The following BTRC variants were observed in gnomAD, a reference collection of about 807,000 sequenced individuals.
BTRC encodes beta-transducin repeat containing E3 ubiquitin protein ligase, also known as F-box/WD repeat-containing protein 1A.
A neutral mutation model predicts 85.5 loss-of-function variants in BTRC; 42 were observed. The ratio of observed to expected loss-of-function variants is 0.49; its 90% CI spans 0.38 to 0.64. The LOEUF (loss-of-function observed/expected upper bound fraction) is 0.64, where lower values mean the gene tolerates loss of function less well. Ranked by LOEUF, BTRC falls within the 30% of genes least tolerant of loss-of-function variation. BTRC has a pLI of 0.00. For synonymous variants in BTRC, 255 were observed against 263.3 expected, an observed-to-expected ratio of 0.97 and a Z score of 0.30; for missense variants, 594 against 743.5, an observed-to-expected ratio of 0.80 and a Z score of 2.34.
At chr10:101,449,214 AT>A (rs1944900255) in intron 2 of BTRC, among the ~76,000 whole-genome samples, 1 of 152,004 alleles carries the variant, frequency 6.6e-6, no homozygotes, top group African/African-American at 2.4e-5. Context: ...ATATTGTTGA[AT>A]TGTAATAAAA....
chr10:101,404,178 C>T (rs1943563959), intron 1 of BTRC, among the ~76,000 whole-genome samples: 1 of 150,946 alleles, frequency 6.6e-6, no homozygotes, highest in Non-Finnish European at 1.5e-5. Flanking sequence ...CTACAGGTGC[C>T]CGCCATCATG....
At chr10:101,447,034 C>T (rs1478902235) in intron 2 of BTRC, among the ~76,000 whole-genome samples, 2 of 152,048 alleles carry the variant, frequency 1.3e-5, no homozygotes, top group Non-Finnish European at 2.9e-5. Flanking sequence ...TAGAAGCATG[C>T]AGCTAGTGTT....
chr10:101,536,893 T>C (rs955811377), intron 12 of BTRC, among the ~76,000 whole-genome samples: 1 of 152,236 alleles, frequency 6.6e-6, no homozygotes, highest in African/African-American at 2.4e-5. Context: ...ATTTTGGTTA[T>C]TTGGTTATGT....
intron 13 of BTRC, among the ~76,000 whole-genome samples, chr10:101,550,297 T>TC (rs1300940561): frequency 6.6e-6 from 1 of 152,030 alleles, no homozygotes; most frequent in East Asian, 1.9e-4. Flanking sequence ...TATTTTATTT[T>TC]TTTTTTAGAC....
At chr10:101,537,514 C>T (rs761279905) in intron 12 of BTRC, among the ~76,000 whole-genome samples, 9 of 152,028 alleles carry the variant, frequency 5.9e-5, no homozygotes, top group Non-Finnish European at 1.0e-4. Context: ...GGCAACAGAG[C>T]GAGACTCCGT....
At chr10:101,386,471 A>G (rs938664836) in intron 1 of BTRC, among the ~76,000 whole-genome samples, 3 of 152,222 alleles carry the variant, frequency 2.0e-5, no homozygotes, top group Non-Finnish European at 4.4e-5. Context: ...TAATTAGCTC[A>G]TTCAAGAAAG....
rs563613816 is a variant in BTRC at position 101,508,739 on chromosome 10, C to A, written c.325-12900C>A. The stretch of plus-strand genomic sequence containing the variant: ...ACCACCCTGGCTAACACGGTGATAC[C>A]CCGTCTCTACTAAAAATACAAAAAA... On this transcript the variant is annotated intron_variant, in intron 4 of 14. Transcript: ENST00000370187. Among the ~76,000 whole-genome samples the A allele has an allele frequency of 3.9e-5, 6 of 151,904 alleles. No individual in the cohort carries two copies. In the East Asian group the frequency reaches 1.2e-3, roughly 29 times the overall value.
intron 4 of BTRC, among the ~76,000 whole-genome samples, chr10:101,508,177 A>G (rs1946591308): frequency 6.6e-6 from 1 of 152,160 alleles, no homozygotes; most frequent in Admixed American, 6.6e-5. Context: ...GACTTTTCCT[A>G]TAGTTAGTAA....
chr10:101,369,756 G>A (rs1434296429), intron 1 of BTRC, among the ~76,000 whole-genome samples: 1 of 152,176 alleles, frequency 6.6e-6, no homozygotes, highest in Non-Finnish European at 1.5e-5. Flanking sequence ...AGTTCACACT[G>A]ATATCCCCAA....
intron 2 of BTRC, among the ~76,000 whole-genome samples, chr10:101,455,171 C>A (rs1165822960): frequency 6.6e-6 from 1 of 151,682 alleles, no homozygotes; most frequent in African/African-American, 2.4e-5. Flanking sequence ...CCGCCTTAGC[C>A]TCCTGAGTAG....
At chr10:101,449,494 C>G (rs906840832) in intron 2 of BTRC, among the ~76,000 whole-genome samples, 1 of 152,016 alleles carries the variant, frequency 6.6e-6, no homozygotes, top group Non-Finnish European at 1.5e-5. Flanking sequence ...AAACTATATG[C>G]AGAGGATCTC....
chr10:101,474,498 C>T (rs1461143009), intron 3 of BTRC, among the ~76,000 whole-genome samples: 1 of 152,224 alleles, frequency 6.6e-6, no homozygotes, highest in Non-Finnish European at 1.5e-5. Flanking sequence ...CCAGCTGTTG[C>T]TCTCCATTGA....
chr10:101,400,167 T>C (rs1241556876), intron 1 of BTRC, among the ~76,000 whole-genome samples: 1 of 152,236 alleles, frequency 6.6e-6, no homozygotes, highest in Non-Finnish European at 1.5e-5. Flanking sequence ...TCATATATTG[T>C]AGCTGCCAAT....
rs558405414 is a variant in BTRC, at chr10:101,407,876, C to T, written c.49-22469C>T. ...AAGCTGGGACTACAGGTGCGTACCA[C>T]CATGCCCAGCTAATTTTTTGTATTT... On this transcript the variant is annotated intron_variant, in intron 1 of 14. Coordinates refer to ENST00000370187, the MANE Select transcript of BTRC (RefSeq NM_033637.4). Among the ~76,000 whole-genome samples the T allele has an allele frequency of 2.1e-3, 320 of 152,064 alleles. 3 individuals are homozygous for T. Among genetic ancestry groups the T allele is most frequent in the African/African-American group, 7.2e-3 (298 of 41,468 alleles).
intron 4 of BTRC, among the ~76,000 whole-genome samples, chr10:101,493,866 CTTAA>C (rs1946197062): frequency 6.6e-6 from 1 of 152,168 alleles, no homozygotes. Flanking sequence ...AAAACTGTGG[CTTAA>C]TTAATGCCAG....
At chr10:101,368,464 CT>C (rs60190021) in intron 1 of BTRC, among the ~76,000 whole-genome samples, 8 of 75,362 alleles carry the variant, frequency 1.1e-4, no homozygotes, top group African/African-American at 5.1e-4. Context: ...AACTGTTTTT[CT>C]TTTTTTTTTT....
intron 13 of BTRC, 104 bp downstream of exon 13, chr10:101,538,475 AC>A: frequency 9.9e-7 from 1 of 1,008,656 alleles, no homozygotes. Flanking sequence ...TTACAACCTC[AC>A]AAAACCTACA....
chr10:101,536,971 A>AAT (rs1432668794), intron 12 of BTRC, among the ~76,000 whole-genome samples: 3 of 152,212 alleles, frequency 2.0e-5, no homozygotes, highest in Non-Finnish European at 4.4e-5. Context: ...ACCCATGTAA[A>AAT]AGGGTAACCT....
intron 3 of BTRC, among the ~76,000 whole-genome samples, chr10:101,463,173 G>C (rs542637395): frequency 3.3e-4 from 50 of 152,136 alleles, no homozygotes; most frequent in Middle Eastern, 6.8e-3. Flanking sequence ...AGCCTCCTGC[G>C]TAACTGGGAC....
Sources: gnomAD v4.1 joint callset for allele counts (sites outside exome capture counted in the v4.1 genomes callset) on GRCh38, gnomAD v4.1.1 for gene constraint, MANE v1.5 for transcripts, NCBI Gene and HGNC (gene_info 2026-07-23, HGNC 2026-07-21) for gene names.